MTMR10: variants seen among roughly 807,000 people sequenced by gnomAD.
MTMR10 encodes the protein myotubularin-related protein 10.
MTMR10 carries 56 observed loss-of-function variants against 88.1 expected under a neutral mutation model. That is an observed-to-expected ratio of 0.64 (90% CI 0.51 to 0.79). The LOEUF (loss-of-function observed/expected upper bound fraction) is 0.79. Among genes scored for constraint, MTMR10 ranks in the 30% least tolerant of loss-of-function variants. The pLI is 0.00. For synonymous variants in MTMR10, 380 were observed against 340.9 expected, an observed-to-expected ratio of 1.11 and a Z score of -1.26; for missense variants, 883 against 924.7, an observed-to-expected ratio of 0.95 and a Z score of 0.58.
chr15:30,940,374 C>A lies in MTMR10; in HGVS notation c.*1096G>T, dbSNP rs1435650547. 3 of 985,388 alleles carry A rather than the reference C, an allele frequency of 3.0e-6. No individual in the cohort carries two copies. The highest frequency in any genetic ancestry group is 3.6e-6 in the Non-Finnish European group (3 of 829,952). 61.0% of individuals were successfully genotyped at this position (985,388 alleles called of 1,614,324 possible). ...TTGGGGGCTGGGGGAGCACTTCTGTCGCTATTCAAATGGCAGTGTTTTGAG... is the reference window on the plus strand; with the variant it reads ...TTGGGGGCTGGGGGAGCACTTCTGTAGCTATTCAAATGGCAGTGTTTTGAG... On this transcript the variant is annotated 3_prime_UTR_variant, in exon 16 of 16. Transcript: ENST00000435680.
At position 30,948,346 on chromosome 15, in the gene MTMR10, G is replaced by C; in HGVS notation, c.1333C>G (p.Gln445Glu). 2 of 1,613,792 alleles carry C rather than the reference G, an allele frequency of 1.2e-6. No homozygotes were observed. Among genetic ancestry groups the C allele is most frequent in the Non-Finnish European group, 1.7e-6 (2 of 1,179,818 alleles). ...AGATGGTTGCATCTGTCTAGAAACT[G>C]ATATCCTGCCATGACCCACTCCTTC... Reference protein sequence around the residue: ...IQKEWVMAGYQFLDRCNHLKR... With the variant: ...IQKEWVMAGYEFLDRCNHLKR... The change falls in exon 13 of 16, where the codon CAG becomes GAG. Residue 445 changes from glutamine to glutamate, a missense_variant. By Grantham distance (29) the Gln-to-Glu change is conservative. Transcript: ENST00000435680.
At chr15:30,934,136 C>T (rs1297793579), downstream of MTMR10, among the ~76,000 whole-genome samples, 1 of 152,168 alleles carries the variant, frequency 6.6e-6, no homozygotes, top group East Asian at 1.9e-4. Flanking sequence ...GTCATGTCCT[C>T]TTCATGAGTC....
chr15:30,990,895 C>T, intron 1 of MTMR10, 58 bp from the exon 2 acceptor site: 2 of 1,419,190 alleles, frequency 1.4e-6, no homozygotes, highest in Non-Finnish European at 1.9e-6. Flanking sequence ...CCGTAAAATG[C>T]TACAGCAAAT....
At chr15:30,958,637 C>T (rs2063359011) in intron 9 of MTMR10, among the ~76,000 whole-genome samples, 1 of 152,154 alleles carries the variant, frequency 6.6e-6, no homozygotes, top group African/African-American at 2.4e-5. Context: ...ATGTAAGATC[C>T]ACAAGTGTCT....
chr15:30,959,899 C>T (rs563431375), intron 7 of MTMR10, among the ~76,000 whole-genome samples: 1 of 152,240 alleles, frequency 6.6e-6, no homozygotes, highest in African/African-American at 2.4e-5. Context: ...TTCATAATAA[C>T]TAAATGACAT....
chr15:30,943,428 G>GAGC (rs958988981), intron 14 of MTMR10: 85 of 984,976 alleles, frequency 8.6e-5, no homozygotes, highest in Non-Finnish European at 9.5e-5. Flanking sequence ...TTACTTTTAT[G>GAGC]AGCACACGGT....
downstream of MTMR10, among the ~76,000 whole-genome samples, chr15:30,938,515 GTATTTTCTCTGTT>G (rs2140975690): frequency 6.6e-6 from 1 of 152,220 alleles, no homozygotes; most frequent in South Asian, 2.1e-4. Context: ...CTAGATAGGG[GTATTTTCTCTGTT>G]GACAGTACAG....
chr15:30,928,470 A>G, the MTMR10 span: 2 of 1,570,394 alleles, frequency 1.3e-6, no homozygotes, highest in Non-Finnish European at 1.7e-6. Context: ...GCAGTAGGTT[A>G]TGGTGGTGTT....
chr15:30,964,930 C>T (rs1000666558), intron 6 of MTMR10, among the ~76,000 whole-genome samples: 3 of 152,018 alleles, frequency 2.0e-5, no homozygotes, highest in Non-Finnish European at 4.4e-5. Context: ...TACAAGTCAT[C>T]AATATATGAA....
intron 5 of MTMR10, among the ~76,000 whole-genome samples, chr15:30,972,002 T>C (rs1026508333): frequency 6.6e-5 from 10 of 152,310 alleles, no homozygotes; most frequent in African/African-American, 1.9e-4. Flanking sequence ...TGAACCAATT[T>C]AGTATTCTTG....
chr15:30,962,306 A>G (rs775565443), intron 6 of MTMR10, among the ~76,000 whole-genome samples: 2 of 152,212 alleles, frequency 1.3e-5, no homozygotes, highest in Non-Finnish European at 2.9e-5. Context: ...CTGGTGACAG[A>G]TGGCACAACC....
chr15:30,979,964 AAGAC>A (rs2030450179), intron 2 of MTMR10, among the ~76,000 whole-genome samples: 1 of 152,270 alleles, frequency 6.6e-6, no homozygotes, highest in Non-Finnish European at 1.5e-5. Context: ...TCACAGGACA[AAGAC>A]AGAGCTGAGT....
the MTMR10 span, among the ~76,000 whole-genome samples, chr15:30,924,042 G>A: frequency 6.6e-6 from 1 of 152,230 alleles, no homozygotes; most frequent in African/African-American, 2.4e-5. Context: ...TCTACTTTTT[G>A]TGTCTGTAAA....
chr15:30,958,507 T>C (rs1461912714), intron 9 of MTMR10, among the ~76,000 whole-genome samples: 1 of 152,254 alleles, frequency 6.6e-6, no homozygotes, highest in Non-Finnish European at 1.5e-5. Context: ...TGCAAATGTG[T>C]AGACCTAAAT....
Position 30,939,597 on chromosome 15 carries a change from T to C in MTMR10, c.*1873A>G, listed in dbSNP as rs1178782878. ...TGCATTTTTCTATTTTTAACCATTA[T>C]TAATAGTACCTAATATTTTTAAACT... On this transcript the variant is annotated 3_prime_UTR_variant, in exon 16 of 16. Coordinates refer to ENST00000435680, the MANE Select transcript of MTMR10 (RefSeq NM_017762.3). The C allele has an allele frequency of 7.5e-6, 7 of 933,782 alleles. No individual in the cohort carries two copies. The highest frequency in any genetic ancestry group is 8.9e-6 in the Non-Finnish European group (7 of 783,214). The allele number at this position is 933,782 out of a possible 1,614,324, so 57.8% of individuals were successfully genotyped here.
intron 2 of MTMR10, among the ~76,000 whole-genome samples, chr15:30,990,261 C>T (rs1226603867): frequency 6.6e-6 from 1 of 152,130 alleles, no homozygotes; most frequent in African/African-American, 2.4e-5. Context: ...TTGCTATACA[C>T]AGGACAGCCT....
chr15:30,945,486 C>T (rs1229888009), intron 14 of MTMR10, among the ~76,000 whole-genome samples: 1 of 152,156 alleles, frequency 6.6e-6, no homozygotes, highest in African/African-American at 2.4e-5. Flanking sequence ...CCCACCCATG[C>T]ACTGCCCAGT....
chr15:30,973,243 A>C (rs1414447037), intron 5 of MTMR10, among the ~76,000 whole-genome samples: 1 of 152,176 alleles, frequency 6.6e-6, no homozygotes, highest in African/African-American at 2.4e-5. Context: ...CAGCTTGCTG[A>C]GAGATGGTTA....
chr15:30,931,144 A>C, the MTMR10 span, among the ~76,000 whole-genome samples: 1 of 152,210 alleles, frequency 6.6e-6, no homozygotes, highest in Non-Finnish European at 1.5e-5. Context: ...TTCACATTGC[A>C]TGCCTGTATC....
Sources: allele counts gnomAD v4.1 joint callset (sites outside exome capture counted in the v4.1 genomes callset), GRCh38; gene constraint gnomAD v4.1.1; transcripts MANE v1.5; gene names NCBI Gene and HGNC (gene_info 2026-07-23, HGNC 2026-07-21).